The following PSD3 variants were observed in gnomAD, a reference collection of about 807,000 sequenced individuals.
PSD3 encodes the protein PH and SEC7 domain-containing protein 3.
Under a neutral mutation model 105.5 loss-of-function variants are expected in PSD3, and 49 were observed. The observed-to-expected ratio is 0.46, with a 90% CI of 0.37 to 0.59. PSD3 has a LOEUF of 0.59. Among genes scored for constraint, PSD3 ranks in the 20% least tolerant of loss-of-function variants. The pLI is 0.00. For missense variants in PSD3, 1,561 were observed against 1,263.8 expected (o/e 1.24, Z -3.57); for synonymous variants, 557 against 457.8 (o/e 1.22, Z -2.77).
intron 6 of PSD3, 43 bp downstream of exon 6, chr8:18,804,479 T>C: frequency 6.7e-7 from 1 of 1,482,548 alleles, no homozygotes; most frequent in Non-Finnish European, 9.3e-7. Flanking sequence ...TAAGAACTAA[T>C]CATTTGAAAG....
rs541193525 is a variant in PSD3 at position 19,081,561 on chromosome 8, G to A, written c.324+2645C>T. The stretch of plus-strand genomic sequence containing the variant: ...GGTGATAATAACATACATCCTTGCA[G>A]AATTTCGAGATTTTCATAAGAGGAA... On this transcript the variant is annotated intron_variant, in intron 1 of 1. Transcript: ENST00000521475. 7.2e-5 allele frequency among the ~76,000 whole-genome samples: 11 copies of A among 152,296 alleles called. No homozygotes were observed. In the East Asian group the frequency reaches 2.1e-3, roughly 29 times the overall value.
intron 4 of PSD3, among the ~76,000 whole-genome samples, chr8:18,855,137 TG>T (rs1815905409): frequency 6.6e-6 from 1 of 152,222 alleles, no homozygotes; most frequent in South Asian, 2.1e-4. Context: ...CTGCTATTTT[TG>T]TTGGGATACG....
At chr8:19,080,182 C>A (rs1355472388) in intron 1 of PSD3, among the ~76,000 whole-genome samples, 1 of 152,196 alleles carries the variant, frequency 6.6e-6, no homozygotes, top group African/African-American at 2.4e-5. Flanking sequence ...AGCCACCGCG[C>A]CTGGCCAAAA....
At chr8:18,567,733 C>T (rs2130281167) in intron 14 of PSD3, among the ~76,000 whole-genome samples, 1 of 152,306 alleles carries the variant, frequency 6.6e-6, no homozygotes, top group East Asian at 1.9e-4. Context: ...TTATTACCTT[C>T]CATTCATTCC....
chr8:18,916,805 A>G (rs1477734902), intron 2 of PSD3, among the ~76,000 whole-genome samples: 4 of 152,186 alleles, frequency 2.6e-5, no homozygotes, highest in Non-Finnish European at 5.9e-5. Context: ...ATCACAACGA[A>G]TATATGTATG....
chr8:18,806,675 C>T (rs1010770615), intron 4 of PSD3, among the ~76,000 whole-genome samples: 2 of 152,126 alleles, frequency 1.3e-5, no homozygotes, highest in African/African-American at 4.8e-5. Flanking sequence ...TTTGTTACAA[C>T]CTTAAAAAAC....
intron 11 of PSD3, among the ~76,000 whole-genome samples, chr8:18,600,741 C>T (rs1343536493): frequency 2.0e-5 from 3 of 152,152 alleles, no homozygotes; most frequent in Non-Finnish European, 4.4e-5. Context: ...GGCTGAAAAA[C>T]CAGGTAGCAT....
intron 15 of PSD3, among the ~76,000 whole-genome samples, chr8:18,550,524 GTAAGTCAAAAATATATTTACACCACC>G (rs1459059265): frequency 1.3e-5 from 2 of 152,020 alleles, no homozygotes; most frequent in Non-Finnish European, 2.9e-5. Context: ...TGAAAATATC[GTAAGTCAAAAATATATTTACACCACC>G]TAACCTACTG....
At chr8:18,591,313 G>A (rs1803587204) in intron 12 of PSD3, among the ~76,000 whole-genome samples, 1 of 152,168 alleles carries the variant, frequency 6.6e-6, no homozygotes, top group Non-Finnish European at 1.5e-5. Flanking sequence ...GGCTGCCTGG[G>A]TAATGGCTTA....
At position 18,988,581 on chromosome 8, in the gene PSD3, C is replaced by T. The variant is rs180923945; in HGVS notation, c.21+24982G>A. On this transcript the variant is annotated intron_variant, in intron 1 of 15. Coordinates refer to ENST00000327040, the MANE Select transcript of PSD3 (RefSeq NM_015310.4). ...TACATGGTTGTAGCTGACTAATTAC[C>T]CAACTCAAAAATGCTCACCCAACCC... Among the ~76,000 whole-genome samples the T allele has an allele frequency of 2.1e-3, 307 of 146,796 alleles. 1 individual carries two copies. Among genetic ancestry groups the T allele is most frequent in the Admixed American group, 3.0e-3 (44 of 14,734 alleles).
intron 15 of PSD3, among the ~76,000 whole-genome samples, chr8:18,541,695 A>T (rs1473519994): frequency 2.0e-5 from 3 of 151,586 alleles, no homozygotes; most frequent in Admixed American, 6.6e-5. Context: ...TTAGAGAGAA[A>T]CGTAGGTTAT....
At chr8:18,967,499 T>G (rs927686294) in intron 1 of PSD3, among the ~76,000 whole-genome samples, 1 of 152,134 alleles carries the variant, frequency 6.6e-6, no homozygotes, top group African/African-American at 2.4e-5. Flanking sequence ...TATTTCCATA[T>G]TAAACCTGAC....
chr8:18,786,104 TG>T (rs1411934548), intron 8 of PSD3, among the ~76,000 whole-genome samples: 2 of 152,180 alleles, frequency 1.3e-5, no homozygotes, highest in Admixed American at 1.3e-4. Context: ...CTCGGGAGGC[TG>T]AGGCAGGAGA....
intron 4 of PSD3, among the ~76,000 whole-genome samples, chr8:18,836,519 T>C (rs1229222236): frequency 1.3e-5 from 2 of 152,182 alleles, no homozygotes; most frequent in East Asian, 3.9e-4. Context: ...AGTGGACTAA[T>C]AGATTTATTT....
intron 1 of PSD3, among the ~76,000 whole-genome samples, chr8:18,977,329 G>A (rs1824998733): frequency 6.6e-6 from 1 of 151,420 alleles, no homozygotes; most frequent in Non-Finnish European, 1.5e-5. Flanking sequence ...CTAGCTGTAT[G>A]GCTTTGGGAA....
At chr8:19,065,353 G>A (rs144917652) in intron 1 of PSD3, among the ~76,000 whole-genome samples, 1 of 152,266 alleles carries the variant, frequency 6.6e-6, no homozygotes, top group East Asian at 1.9e-4. Flanking sequence ...GTGGACATCA[G>A]CTGGGTGTCC....
intron 12 of PSD3, among the ~76,000 whole-genome samples, chr8:18,587,990 C>T (rs10503618): frequency 0.035 from 5,292 of 152,176 alleles, 287 homozygotes; most frequent in East Asian, 0.22. Flanking sequence ...TTAGTAACTC[C>T]CTGTAGGATG....
intron 1 of PSD3, among the ~76,000 whole-genome samples, chr8:19,073,550 CAAAAAAAAAAAAAAAAA>C (rs869154642): frequency 2.9e-5 from 2 of 69,126 alleles, no homozygotes; most frequent in Admixed American, 2.1e-4. Context: ...AACTGTCTCT[CAAAAAAAAAAAAAAAAA>C]AAAAAAAAAA....
intron 4 of PSD3, among the ~76,000 whole-genome samples, chr8:18,851,261 A>C (rs1815538176): frequency 6.6e-6 from 1 of 152,258 alleles, no homozygotes; most frequent in Non-Finnish European, 1.5e-5. Flanking sequence ...CCAAAGTCAT[A>C]GCTGGTAAAC....
Sources: allele counts gnomAD v4.1 joint callset (sites outside exome capture counted in the v4.1 genomes callset), GRCh38; gene constraint gnomAD v4.1.1; transcripts MANE v1.5; gene names NCBI Gene and HGNC (gene_info 2026-07-23, HGNC 2026-07-21).